NUBP1: variants seen among roughly 807,000 people sequenced by gnomAD.
The protein encoded by NUBP1 is NUBP iron-sulfur cluster assembly factor 1, cytosolic, also known as cytosolic Fe-S cluster assembly factor NUBP1.
NUBP1 carries 46 observed loss-of-function variants against 41.8 expected under a neutral mutation model. The observed-to-expected ratio is 1.10, with a 90% CI of 0.87 to 1.41. The LOEUF (loss-of-function observed/expected upper bound fraction) is 1.41. Among genes scored for constraint, NUBP1 ranks in the 40% most tolerant of loss-of-function variants. The probability of loss-of-function intolerance (pLI) is 0.00; values close to 1 mark genes in which losing one functional copy is unlikely to be tolerated. For missense variants in NUBP1, 494 were observed against 414.0 expected (o/e 1.19, Z -1.68); for synonymous variants, 189 against 154.6 (o/e 1.22, Z -1.65).
In NUBP1 at chr16:10,768,784, C is replaced by A; in HGVS notation, c.905-263C>A. 1 of 390,296 alleles carries A rather than the reference C, an allele frequency of 2.6e-6. No homozygotes were observed. Among genetic ancestry groups the A allele is most frequent in the Non-Finnish European group, 4.6e-6 (1 of 219,160 alleles). 24.2% of individuals were successfully genotyped at this position (390,296 alleles called of 1,614,324 possible). A position where few individuals can be genotyped will look rare whatever the true frequency, so the allele number is the denominator to read the frequency against. On this transcript the variant is annotated intron_variant, in intron 10 of 10. Coordinates refer to ENST00000283027, the MANE Select transcript of NUBP1 (RefSeq NM_002484.4). The surrounding 1 kb of genome is among the most constrained non-coding windows in gnomAD (Gnocchi z 4.3). ...TTTTACTTGCCTAGAAGAATGATGT[C>A]AAGGGTAAGGAAACAGCATTCCCAG...
intron 9 of NUBP1, 79 bp downstream of exon 9, chr16:10,761,938 C>T: frequency 8.9e-7 from 1 of 1,124,994 alleles, no homozygotes; most frequent in Non-Finnish European, 1.3e-6. Context: ...CAGGGGGCGG[C>T]TACAGAGAGG....
intron 3 of NUBP1, among the ~76,000 whole-genome samples, chr16:10,748,256 T>C (rs1431730774): frequency 6.6e-6 from 1 of 152,150 alleles, no homozygotes; most frequent in Non-Finnish European, 1.5e-5. Context: ...TGGCCTAAAA[T>C]TGCAATTTTT....
chr16:10,755,598 A>G, intron 4 of NUBP1, 123 bp from the exon 5 acceptor site: 1 of 1,018,766 alleles, frequency 9.8e-7, no homozygotes, highest in Non-Finnish European at 1.5e-6. Context: ...TCGTGGTACC[A>G]TGTAAGACAA....
In NUBP1 at chr16:10,756,787, C is replaced by G. The variant is rs1345777964; in HGVS notation, c.451+7C>G. 1 of 1,590,456 alleles carries G rather than the reference C, an allele frequency of 6.3e-7. No individual in the cohort carries two copies. Among genetic ancestry groups the G allele is most frequent in the East Asian group, 2.3e-5 (1 of 42,580 alleles). On this transcript the variant is annotated splice_region_variant and intron_variant, in intron 6 of 10. Transcript: ENST00000283027. ...AGGGGACCCAAGAAAAACGGTTTGC[C>G]ACTCTGCCTTTTTTTGTCTCTCACA...
chr16:10,753,913 C>T lies in NUBP1; in HGVS notation c.327+1235C>T, dbSNP rs532490580. Among the ~76,000 whole-genome samples the T allele has an allele frequency of 3.3e-5, 5 of 152,188 alleles. No homozygotes were observed. The East Asian group carries it at 7.7e-4, about 24-fold the overall frequency. Reference sequence around the variant, plus strand: ...GAGGGTGGCCCGAAGCAGATGGGGCCGGCCTTGCAGGCACTTCTAAGGCCT... The same window carrying T: ...GAGGGTGGCCCGAAGCAGATGGGGCTGGCCTTGCAGGCACTTCTAAGGCCT... On this transcript the variant is annotated intron_variant, in intron 4 of 10. Transcript: ENST00000283027.
At chr16:10,761,723 A>G (rs752063069) in intron 8 of NUBP1, 34 bp from the exon 9 acceptor site, 2 of 1,559,248 alleles carry the variant, frequency 1.3e-6, no homozygotes, top group Admixed American at 3.5e-5. Context: ...CTGCAAAAAA[A>G]TTATGTTTCC....
intron 6 of NUBP1, 129 bp downstream of exon 6, chr16:10,756,909 G>A: frequency 1.5e-6 from 1 of 662,226 alleles, no homozygotes; most frequent in Admixed American, 4.0e-5. Flanking sequence ...TAACCATCCA[G>A]TGCCTCTTTC....
intron 3 of NUBP1, among the ~76,000 whole-genome samples, chr16:10,750,718 C>G (rs1208530789): frequency 1.3e-5 from 2 of 152,242 alleles, no homozygotes; most frequent in African/African-American, 4.8e-5. Context: ...GAAGCCCAGA[C>G]AGCCAAGGCT....
chr16:10,767,474 GTA>G lies in NUBP1; in HGVS notation c.821-473_821-472del, dbSNP rs1567269986. On this transcript the variant is annotated intron_variant, in intron 9 of 10. Coordinates refer to ENST00000283027, the MANE Select transcript of NUBP1 (RefSeq NM_002484.4). The surrounding 1 kb of genome is among the most constrained non-coding windows in gnomAD (Gnocchi z 4.6). The stretch of plus-strand genomic sequence containing the variant: ...GTATTTTAGGTATATGAGAGTGTGT[GTA>G]TGTGTGTGCGCACACATGCAAGTGT... 4.2e-5 allele frequency: 17 copies of G among 403,226 alleles called. No individual in the cohort carries two copies. Among genetic ancestry groups the G allele is most frequent in the Non-Finnish European group, 6.5e-5 (15 of 229,760 alleles). The allele number at this position is 403,226 out of a possible 1,614,324, so 25.0% of individuals were successfully genotyped here.
At chr16:10,747,748 A>C (rs1005482060) in intron 3 of NUBP1, among the ~76,000 whole-genome samples, 4 of 152,228 alleles carry the variant, frequency 2.6e-5, no homozygotes, top group African/African-American at 7.2e-5. Context: ...TGGATTCCCT[A>C]GCCAAGAAAA....
chr16:10,763,166 G>A (rs74342594), intron 9 of NUBP1, among the ~76,000 whole-genome samples: 2 of 152,268 alleles, frequency 1.3e-5, no homozygotes, highest in East Asian at 3.9e-4. Flanking sequence ...CCTCTGGGGT[G>A]CTGCGGCTAA....
chr16:10,746,123 G>A (rs1424942904), intron 2 of NUBP1, among the ~76,000 whole-genome samples: 1 of 152,244 alleles, frequency 6.6e-6, no homozygotes, highest in Non-Finnish European at 1.5e-5. Flanking sequence ...AGGTTGGGAA[G>A]TAACAGCTGT....
At chr16:10,758,897 G>A (rs1055524469) in intron 7 of NUBP1, among the ~76,000 whole-genome samples, 7 of 152,218 alleles carry the variant, frequency 4.6e-5, no homozygotes, top group Non-Finnish European at 7.3e-5. Context: ...GAGCTGAGAG[G>A]AGAGCGATAG....
Position 10,765,292 on chromosome 16 carries a change from C to T in NUBP1, c.821-2657C>T, listed in dbSNP as rs914614763. On this transcript the variant is annotated intron_variant, in intron 9 of 10. Transcript: ENST00000283027. This position sits in a 1 kb window ranked among gnomAD's most constrained non-coding sequence, Gnocchi z 4.0. Reference sequence around the variant, plus strand: ...ACACACACACACACACAACCATGCTCTAGCCTGGGTAACACAGGAAGATAC... The same window carrying T: ...ACACACACACACACACAACCATGCTTTAGCCTGGGTAACACAGGAAGATAC... 5 of 145,580 alleles carry T rather than the reference C, an allele frequency of 3.4e-5. No individual in the cohort carries two copies. The South Asian group carries it at 6.5e-4, about 19-fold the overall frequency. 9.0% of individuals were successfully genotyped at this position (145,580 alleles called of 1,614,324 possible).
At chr16:10,764,168 C>G (rs1005598946) in intron 9 of NUBP1, among the ~76,000 whole-genome samples, 4 of 152,190 alleles carry the variant, frequency 2.6e-5, no homozygotes, top group Admixed American at 6.5e-5. Context: ...ACAGGAGTAT[C>G]TCAGCCCACG....
rs1007551140 is a variant in NUBP1, at chr16:10,759,289, G to A, written c.606+1262G>A. On this transcript the variant is annotated intron_variant, in intron 7 of 10. Coordinates refer to ENST00000283027, the MANE Select transcript of NUBP1 (RefSeq NM_002484.4). This position sits in a 1 kb window ranked among gnomAD's most constrained non-coding sequence, Gnocchi z 4.7. ...GTGGCAGGCCCAGCGGCCATGGGAAGGGTGTCCGGGTCAGAAAATGGTGCA... is the reference window on the plus strand; with the variant it reads ...GTGGCAGGCCCAGCGGCCATGGGAAAGGTGTCCGGGTCAGAAAATGGTGCA... Among the ~76,000 whole-genome samples the A allele has an allele frequency of 6.6e-6, 1 of 152,192 alleles. No individual in the cohort carries two copies. The highest frequency in any genetic ancestry group is 1.9e-4 in the East Asian group (1 of 5,192).
Position 10,743,847 on chromosome 16 carries a change from G to A in NUBP1, c.-17G>A, listed in dbSNP as rs776778179. On this transcript the variant is annotated 5_prime_UTR_variant, in exon 1 of 11. Coordinates refer to ENST00000283027, the MANE Select transcript of NUBP1 (RefSeq NM_002484.4). ...ACAGCGGGTTCCGGTGACCACGAAG[G>A]CGGCAAAGGCGACGGAATGGAGGAG... The A allele has an allele frequency of 1.8e-5, 28 of 1,559,082 alleles. 1 individual carries two copies. Among genetic ancestry groups the A allele is most frequent in the South Asian group, 1.8e-4 (15 of 84,510 alleles).
intron 2 of NUBP1, 109 bp downstream of exon 2, chr16:10,744,174 A>G: frequency 9.1e-7 from 1 of 1,102,062 alleles, no homozygotes; most frequent in Admixed American, 3.1e-5. Flanking sequence ...GCGGCAGGCT[A>G]GAAGGTATTG....
chr16:10,755,242 A>C (rs765091002), intron 4 of NUBP1, among the ~76,000 whole-genome samples: 3 of 152,140 alleles, frequency 2.0e-5, no homozygotes, highest in South Asian at 2.1e-4. Context: ...TGGGGGGAAG[A>C]GGTCTGAATC....
Sources: gnomAD v4.1 joint callset for allele counts (sites outside exome capture counted in the v4.1 genomes callset) on GRCh38, gnomAD v4.1.1 for gene constraint, Gnocchi (gnomAD v3.1) non-coding constraint, MANE v1.5 for transcripts, NCBI Gene and HGNC (gene_info 2026-07-23, HGNC 2026-07-21) for gene names.